SPOCK3: variants seen among roughly 807,000 people sequenced by gnomAD.
SPOCK3 encodes testican-3.
In SPOCK3, 30 loss-of-function variants were observed where a neutral mutation model predicts 56.6. The observed-to-expected ratio is 0.53, with a 90% CI of 0.40 to 0.72. SPOCK3 has a LOEUF of 0.72. Ranked by LOEUF, SPOCK3 falls within the 30% of genes least tolerant of loss-of-function variation. The pLI, the probability that SPOCK3 is intolerant of heterozygous loss-of-function variation, is 0.00. For synonymous variants in SPOCK3, 196 were observed against 183.3 expected (o/e 1.07, Z -0.56); for missense variants, 527 against 530.0 (o/e 0.99, Z 0.06).
chr4:166,903,512 G>A (rs574569669), intron 5 of SPOCK3, among the ~76,000 whole-genome samples: 6 of 151,854 alleles, frequency 4.0e-5, no homozygotes, highest in African/African-American at 9.7e-5. Context: ...AATATTTCCC[G>A]CTTTCTTTTC....
chr4:166,924,874 T>A (rs1738902224), intron 4 of SPOCK3, among the ~76,000 whole-genome samples: 1 of 152,200 alleles, frequency 6.6e-6, no homozygotes, highest in South Asian at 2.1e-4. Context: ...GATAAAATAA[T>A]AACACTTTTT....
intron 3 of SPOCK3, among the ~76,000 whole-genome samples, chr4:167,058,297 CAA>C (rs1755143553): frequency 1.3e-5 from 2 of 152,150 alleles, no homozygotes; most frequent in South Asian, 4.1e-4. Context: ...GCAACTTCAG[CAA>C]AGTCTCAGGA....
chr4:167,050,138 AG>A (rs1754063238), intron 3 of SPOCK3, among the ~76,000 whole-genome samples: 1 of 152,166 alleles, frequency 6.6e-6, no homozygotes, highest in South Asian at 2.1e-4. Flanking sequence ...TTATTCTCAA[AG>A]CCCTTTGGTA....
intron 4 of SPOCK3, among the ~76,000 whole-genome samples, chr4:166,946,689 G>GTAT (rs1024821994): frequency 2.6e-5 from 4 of 151,514 alleles, no homozygotes; most frequent in Non-Finnish European, 5.9e-5. Flanking sequence ...TCTACATTTT[G>GTAT]TATAGCACTT....
At chr4:167,038,168 C>CT (rs769774410) in intron 3 of SPOCK3, among the ~76,000 whole-genome samples, 4 of 152,086 alleles carry the variant, frequency 2.6e-5, no homozygotes, top group Non-Finnish European at 5.9e-5. Flanking sequence ...GAGGAATCCC[C>CT]TCTGCTCCTG....
chr4:166,763,306 A>G (rs183489203), intron 7 of SPOCK3, among the ~76,000 whole-genome samples: 1 of 152,164 alleles, frequency 6.6e-6, no homozygotes, highest in Admixed American at 6.6e-5. Flanking sequence ...TAGCAAGATT[A>G]TCTTTCAAAA....
At chr4:167,165,632 A>G (rs1406688337) in intron 2 of SPOCK3, among the ~76,000 whole-genome samples, 1 of 152,106 alleles carries the variant, frequency 6.6e-6, no homozygotes, top group Non-Finnish European at 1.5e-5. Context: ...GAAATTAGAA[A>G]CAATACCTGA....
At chr4:167,195,964 G>A (rs1394984772) in intron 2 of SPOCK3, among the ~76,000 whole-genome samples, 3 of 152,174 alleles carry the variant, frequency 2.0e-5, no homozygotes, top group South Asian at 2.1e-4. Context: ...TCGTATTGCT[G>A]ATGTCACTCT....
chr4:166,996,889 T>A (rs1748436711), intron 4 of SPOCK3, among the ~76,000 whole-genome samples: 1 of 152,148 alleles, frequency 6.6e-6, no homozygotes, highest in Non-Finnish European at 1.5e-5. Flanking sequence ...AAGGAGAAAT[T>A]TACTAATTAT....
rs771406666 is a variant in SPOCK3, at chr4:166,819,332, T to A, written c.590-27043A>T. ...AAAGAACAATCCAAGATATCTGTTC[T>A]TACTACTTACAGTCAACATAGTGAT... is the stretch of plus-strand genomic sequence containing the variant. On this transcript the variant is annotated intron_variant, in intron 6 of 10. Coordinates refer to ENST00000357545, the MANE Select transcript of SPOCK3 (RefSeq NM_001040159.2). 9.1e-4 allele frequency among the ~76,000 whole-genome samples: 139 copies of A among 152,156 alleles called. No homozygotes were observed. The Middle Eastern group carries it at 0.014, about 15-fold the overall frequency.
chr4:167,060,714 A>C (rs1187519044), intron 3 of SPOCK3, among the ~76,000 whole-genome samples: 2 of 152,102 alleles, frequency 1.3e-5, no homozygotes, highest in Non-Finnish European at 2.9e-5. Context: ...TCGGGATGCC[A>C]TTATTTCTTG....
chr4:167,164,122 A>G (rs1312959804), intron 2 of SPOCK3, among the ~76,000 whole-genome samples: 2 of 152,132 alleles, frequency 1.3e-5, no homozygotes, highest in African/African-American at 2.4e-5. Flanking sequence ...ACTTGTCCAG[A>G]CAAGAACTAA....
Position 167,211,335 on chromosome 4 carries a change from T to G in SPOCK3, c.189+22650A>C, listed in dbSNP as rs1030433468. ...AACTTGCTTGTCTTAGATGAGACTT[T>G]GGACGGTAGAGTTTTGAGTTAATGC... On this transcript the variant is annotated intron_variant, in intron 2 of 10. Transcript: ENST00000357545. Among the ~76,000 whole-genome samples the G allele has an allele frequency of 3.9e-5, 6 of 152,188 alleles. No homozygotes were observed. In the East Asian group the frequency reaches 1.2e-3, roughly 29 times the overall value.
At chr4:166,883,612 A>T (rs1330167783) in intron 6 of SPOCK3, among the ~76,000 whole-genome samples, 2 of 152,192 alleles carry the variant, frequency 1.3e-5, no homozygotes, top group Non-Finnish European at 2.9e-5. Context: ...GGTCCCAATA[A>T]AGAATAAAAG....
intron 2 of SPOCK3, among the ~76,000 whole-genome samples, chr4:167,220,857 TTTGTAAGACTAATGA>T: frequency 6.6e-6 from 1 of 152,156 alleles, no homozygotes; most frequent in African/African-American, 2.4e-5. Context: ...ACTACTGACA[TTTGTAAGACTAATGA>T]AGGACAGGCA....
In SPOCK3 at chr4:166,763,449, A is replaced by G. The variant is rs76501003; in HGVS notation, c.710-8720T>C. ...CCATGACAGAGAATGTAATAATACC[A>G]GATGGAAATCTGGATCTACATATAG... On this transcript the variant is annotated intron_variant, in intron 7 of 10. Transcript: ENST00000357545. Among the ~76,000 whole-genome samples, 840 of 152,260 alleles carry G rather than the reference A, an allele frequency of 5.5e-3. 7 individuals carry two copies. The highest frequency in any genetic ancestry group is 8.5e-3 in the Non-Finnish European group (579 of 68,014).
chr4:167,002,828 A>C (rs1749079197), intron 3 of SPOCK3, among the ~76,000 whole-genome samples: 1 of 152,192 alleles, frequency 6.6e-6, no homozygotes, highest in Non-Finnish European at 1.5e-5. Flanking sequence ...AGCTATTTCT[A>C]ATGTTTAGCC....
At chr4:167,025,762 TA>T (rs199700399) in intron 3 of SPOCK3, among the ~76,000 whole-genome samples, 1,943 of 152,156 alleles carry the variant, frequency 0.013, 19 homozygotes, top group Non-Finnish European at 0.019. Context: ...CTACGTAACA[TA>T]AAATATAGTC....
chr4:166,951,178 T>C (rs1742566716), intron 4 of SPOCK3, among the ~76,000 whole-genome samples: 1 of 143,412 alleles, frequency 7.0e-6, no homozygotes, highest in African/African-American at 2.9e-5. Context: ...ACAAAATTGA[T>C]AGACTGCTAG....
Sources: allele counts gnomAD v4.1 joint callset (sites outside exome capture counted in the v4.1 genomes callset), GRCh38; gene constraint gnomAD v4.1.1; transcripts MANE v1.5; gene names NCBI Gene and HGNC (gene_info 2026-07-23, HGNC 2026-07-21).